GPR149: variants seen among roughly 807,000 people sequenced by gnomAD.
GPR149 encodes the protein G protein-coupled receptor 149.
A neutral mutation model predicts 50.2 loss-of-function variants in GPR149; 50 were observed. The observed-to-expected ratio is 1.00, with a 90% CI of 0.79 to 1.26. The LOEUF (loss-of-function observed/expected upper bound fraction) is 1.26, where lower values mean the gene tolerates loss of function less well. GPR149 is among the 50% of genes most tolerant of loss of function. GPR149 has a pLI of 0.00. For missense variants in GPR149, 983 were observed against 895.4 expected (o/e 1.10, Z -1.25); for synonymous variants, 405 against 358.2 (o/e 1.13, Z -1.48).
intron 3 of GPR149, among the ~76,000 whole-genome samples, chr3:154,411,491 G>A (rs1711831658): frequency 6.6e-6 from 1 of 151,962 alleles, no homozygotes. Context: ...ATCCAAATAA[G>A]CTCAATTACA....
At position 154,354,701 on chromosome 3, in the gene GPR149, G is replaced by T. The variant is rs80191073; in HGVS notation, c.1624-16430C>A. The T allele has an allele frequency of 5.6e-3, 2,751 of 494,898 alleles. 65 individuals are homozygous for T. The highest frequency in any genetic ancestry group is 0.053 in the African/African-American group (2,477 of 47,014). 30.7% of individuals were successfully genotyped at this position (494,898 alleles called of 1,614,324 possible). Reference sequence around the variant, plus strand: ...CAGCAAAGAGTATAGTACAAATTAGGTTCAATAAATACCTTTTGCCTGTCC... The same window carrying T: ...CAGCAAAGAGTATAGTACAAATTAGTTTCAATAAATACCTTTTGCCTGTCC... On this transcript the variant is annotated intron_variant, in intron 3 of 3. Coordinates refer to ENST00000389740, the MANE Select transcript of GPR149 (RefSeq NM_001038705.3).
chr3:154,337,688 C>T lies in GPR149; in HGVS notation c.*11G>A, dbSNP rs753700304. The T allele has an allele frequency of 1.3e-6, 2 of 1,571,794 alleles. No homozygotes were observed. The highest frequency in any genetic ancestry group is 2.2e-5 in the East Asian group (1 of 44,698). On this transcript the variant is annotated 3_prime_UTR_variant, in exon 4 of 4. Coordinates refer to ENST00000389740, the MANE Select transcript of GPR149 (RefSeq NM_001038705.3). ...CAGATCCATTCTTGCTCCTGTTAGA[C>T]CAAATACCCACTAACTACCCTTGCT...
intron 3 of GPR149, among the ~76,000 whole-genome samples, chr3:154,397,363 C>T (rs1040291919): frequency 1.3e-5 from 2 of 152,148 alleles, no homozygotes; most frequent in African/African-American, 2.4e-5. Context: ...TTTTTGAATG[C>T]ATTTTATGCT....
intron 2 of GPR149, among the ~76,000 whole-genome samples, chr3:154,425,553 G>T (rs1457842261): frequency 6.6e-6 from 1 of 152,038 alleles, no homozygotes; most frequent in Non-Finnish European, 1.5e-5. Context: ...TCACAGCCTG[G>T]ATCATAAGAG....
chr3:154,385,296 A>G (rs983802352), intron 3 of GPR149, among the ~76,000 whole-genome samples: 2 of 152,206 alleles, frequency 1.3e-5, no homozygotes, highest in South Asian at 2.1e-4. Context: ...GGAGATGGAA[A>G]ATTTAGAGCG....
At chr3:154,342,647 G>GATTC (rs1713823821) in intron 3 of GPR149, among the ~76,000 whole-genome samples, 2 of 152,148 alleles carry the variant, frequency 1.3e-5, no homozygotes, top group African/African-American at 4.8e-5. Flanking sequence ...GACCTCAGGT[G>GATTC]ATTCACCCTC....
chr3:154,349,448 G>A (rs908858723), intron 3 of GPR149, among the ~76,000 whole-genome samples: 8 of 152,136 alleles, frequency 5.3e-5, no homozygotes, highest in Admixed American at 4.6e-4. Context: ...AGTACCATAA[G>A]GGAGTACTAC....
At chr3:154,408,234 C>G (rs1711747528) in intron 3 of GPR149, among the ~76,000 whole-genome samples, 2 of 152,216 alleles carry the variant, frequency 1.3e-5, no homozygotes, top group African/African-American at 4.8e-5. Context: ...AGCTCCCACT[C>G]AGATGGACAG....
At chr3:154,371,467 G>C (rs912840900) in intron 3 of GPR149, among the ~76,000 whole-genome samples, 7 of 152,086 alleles carry the variant, frequency 4.6e-5, no homozygotes, top group African/African-American at 1.4e-4. Context: ...CGGAATACTG[G>C]GCAGGCTTGG....
At chr3:154,385,027 T>G (rs1715015782) in intron 3 of GPR149, among the ~76,000 whole-genome samples, 1 of 152,210 alleles carries the variant, frequency 6.6e-6, no homozygotes, top group Admixed American at 6.5e-5. Flanking sequence ...TGATAGTATG[T>G]GTGTCTGTGC....
chr3:154,347,656 T>C (rs1045282334), intron 3 of GPR149, among the ~76,000 whole-genome samples: 23 of 152,224 alleles, frequency 1.5e-4, no homozygotes, highest in African/African-American at 5.3e-4. Context: ...AACAAATTTA[T>C]ATGTGAAGAC....
At chr3:154,347,103 T>C (rs1043791187) in intron 3 of GPR149, among the ~76,000 whole-genome samples, 1 of 152,200 alleles carries the variant, frequency 6.6e-6, no homozygotes, top group African/African-American at 2.4e-5. Context: ...TCATAGATGA[T>C]ATAATTGAGT....
intron 3 of GPR149, among the ~76,000 whole-genome samples, chr3:154,420,536 G>C (rs1420894795): frequency 1.3e-5 from 2 of 151,840 alleles, no homozygotes; most frequent in African/African-American, 4.8e-5. Context: ...TTTCTGCTGG[G>C]TACTGGAGGG....
intron 3 of GPR149, among the ~76,000 whole-genome samples, chr3:154,377,286 A>G (rs1342338611): frequency 2.0e-5 from 3 of 150,822 alleles, no homozygotes; most frequent in African/African-American, 7.3e-5. Context: ...TTTATAAAGC[A>G]TGTCTTTGTA....
chr3:154,410,799 A>G (rs1370993717), intron 3 of GPR149, among the ~76,000 whole-genome samples: 2 of 152,194 alleles, frequency 1.3e-5, no homozygotes, highest in Admixed American at 6.6e-5. Flanking sequence ...CAGGAAGTCA[A>G]CAAAGAAACA....
At chr3:154,428,404 G>A (rs781623332) in intron 1 of GPR149, among the ~76,000 whole-genome samples, 2 of 152,138 alleles carry the variant, frequency 1.3e-5, no homozygotes, top group East Asian at 3.9e-4. Flanking sequence ...CGATCCCCAT[G>A]CCCCTGACTT....
chr3:154,386,544 A>G (rs1336405029), intron 3 of GPR149, among the ~76,000 whole-genome samples: 3 of 152,160 alleles, frequency 2.0e-5, no homozygotes. Context: ...GCTTGTATTC[A>G]TCTCCTTACT....
chr3:154,421,044 G>A lies in GPR149; in HGVS notation c.1618C>T (p.Arg540Cys). ...AAGAACAACTTTTACTGTACCTGAC[G>A]AGGGGTTCTTTCTGATTTACTCCTA... is the stretch of plus-strand genomic sequence containing the variant. Reference protein sequence around the residue: ...WCRSKSERTPRQRSGYALAIP... With the variant: ...WCRSKSERTPCQRSGYALAIP... Residue 540 changes from arginine (R) to cysteine (C), a missense_variant, in exon 3 of 4, where the codon CGT becomes TGT. Arg to Cys is a radical substitution (Grantham distance 180). Transcript: ENST00000389740. The A allele has an allele frequency of 3.1e-6, 5 of 1,598,394 alleles. No homozygotes were observed. Among genetic ancestry groups the A allele is most frequent in the Non-Finnish European group, 3.4e-6 (4 of 1,172,742 alleles).
chr3:154,342,601 G>T (rs1559968629), intron 3 of GPR149, among the ~76,000 whole-genome samples: 1 of 152,094 alleles, frequency 6.6e-6, no homozygotes, highest in Non-Finnish European at 1.5e-5. Flanking sequence ...TAGAGACAGG[G>T]TTTTGCCATG....
Sources: allele counts gnomAD v4.1 joint callset (sites outside exome capture counted in the v4.1 genomes callset), GRCh38; gene constraint gnomAD v4.1.1; transcripts MANE v1.5; gene names NCBI Gene and HGNC (gene_info 2026-07-23, HGNC 2026-07-21).